The following EFCAB6 variants were observed in gnomAD, a reference collection of about 807,000 sequenced individuals.
EFCAB6 encodes EF-hand calcium binding domain 6.
EFCAB6 carries 156 observed loss-of-function variants against 169.8 expected under a neutral mutation model. The observed-to-expected ratio is 0.92, with a 90% CI of 0.81 to 1.05. The LOEUF is 1.05. EFCAB6 is among the 50% of genes least tolerant of loss of function. The pLI, the probability that EFCAB6 is intolerant of heterozygous loss-of-function variation, is 0.00. For missense variants in EFCAB6, 1,800 were observed against 1,829.1 expected (o/e 0.98, Z 0.29); for synonymous variants, 698 against 676.4 (o/e 1.03, Z -0.50).
intron 23 of EFCAB6, among the ~76,000 whole-genome samples, chr22:43,590,744 A>G (rs1287537436): frequency 7.3e-6 from 1 of 137,830 alleles, no homozygotes; most frequent in Non-Finnish European, 1.5e-5. Flanking sequence ...TTGAAGGCCA[A>G]AAAAAAAAAA....
chr22:43,672,609 T>A (rs2057541047), intron 13 of EFCAB6, among the ~76,000 whole-genome samples: 3 of 152,110 alleles, frequency 2.0e-5, no homozygotes, highest in Non-Finnish European at 4.4e-5. Flanking sequence ...TACCACAGGT[T>A]CTCACTCATA....
chr22:43,563,388 CA>C (rs2049197145), intron 26 of EFCAB6, among the ~76,000 whole-genome samples: 1 of 151,994 alleles, frequency 6.6e-6, no homozygotes, highest in Admixed American at 6.6e-5. Context: ...GGCAACATGA[CA>C]AAACCCCATC....
intron 27 of EFCAB6, among the ~76,000 whole-genome samples, chr22:43,548,209 T>C (rs1341047195): frequency 6.6e-6 from 1 of 151,968 alleles, no homozygotes; most frequent in Non-Finnish European, 1.5e-5. Context: ...GGGTCAAACA[T>C]CCATATAAAT....
chr22:43,560,471 G>T (rs1368985062), intron 26 of EFCAB6, among the ~76,000 whole-genome samples: 2 of 152,220 alleles, frequency 1.3e-5, no homozygotes, highest in Admixed American at 1.3e-4. Context: ...AGACCTGTTT[G>T]TTATAGCATT....
intron 19 of EFCAB6, among the ~76,000 whole-genome samples, chr22:43,629,179 T>G (rs889536856): frequency 1.3e-5 from 2 of 152,172 alleles, no homozygotes; most frequent in African/African-American, 4.8e-5. Flanking sequence ...ACAAGCTAGA[T>G]GCTATGAGAT....
At chr22:43,776,294 G>A (rs1284893969) in intron 3 of EFCAB6, among the ~76,000 whole-genome samples, 2 of 152,200 alleles carry the variant, frequency 1.3e-5, no homozygotes, top group African/African-American at 4.8e-5. Context: ...TGATTCATTC[G>A]AAAAATGTCG....
chr22:43,608,437 C>G (rs774278332), intron 22 of EFCAB6, 45 bp downstream of exon 22: 2 of 1,572,892 alleles, frequency 1.3e-6, no homozygotes, highest in East Asian at 2.2e-5. Context: ...GCAAGCACCC[C>G]TAGTCCATAA....
intron 10 of EFCAB6, among the ~76,000 whole-genome samples, chr22:43,695,093 T>C (rs562946821): frequency 6.6e-6 from 1 of 152,144 alleles, no homozygotes; most frequent in South Asian, 2.1e-4. Flanking sequence ...GTGACATGAC[T>C]GTACTTACAA....
At chr22:43,657,280 G>C (rs367662431) in intron 17 of EFCAB6, among the ~76,000 whole-genome samples, 18 of 152,256 alleles carry the variant, frequency 1.2e-4, no homozygotes, top group East Asian at 5.8e-4. Flanking sequence ...GGGTTACAGA[G>C]AGAGACCCTG....
chr22:43,666,857 T>C (rs773113840), intron 17 of EFCAB6, among the ~76,000 whole-genome samples: 7 of 152,066 alleles, frequency 4.6e-5, no homozygotes, highest in South Asian at 2.1e-4. Flanking sequence ...ACCGCATCAA[T>C]AAATGCTTCT....
At chr22:43,627,633 C>T (rs1030081170) in intron 19 of EFCAB6, among the ~76,000 whole-genome samples, 39 of 152,256 alleles carry the variant, frequency 2.6e-4, no homozygotes, top group African/African-American at 7.5e-4. Context: ...ACCTGCTTCC[C>T]GGGTCTCAGG....
intron 4 of EFCAB6, among the ~76,000 whole-genome samples, chr22:43,771,840 A>C (rs151204900): frequency 5.6e-4 from 86 of 152,272 alleles, no homozygotes; most frequent in South Asian, 1.2e-3. Context: ...TACTTTTCTG[A>C]ATTGGCCCTT....
intron 24 of EFCAB6, among the ~76,000 whole-genome samples, chr22:43,585,822 G>T (rs1022468254): frequency 3.9e-5 from 6 of 152,130 alleles, no homozygotes; most frequent in African/African-American, 1.4e-4. Context: ...TAAACATCAG[G>T]CTTCTTGCCA....
intron 6 of EFCAB6, among the ~76,000 whole-genome samples, chr22:43,751,590 A>G (rs4823094): frequency 0.88 from 133,656 of 152,176 alleles, 58,748 homozygotes; most frequent in East Asian, 0.99. Flanking sequence ...GCGGTGGAGG[A>G]AGTGTGAAAG....
At chr22:43,643,478 C>A (rs940800378) in intron 17 of EFCAB6, among the ~76,000 whole-genome samples, 4 of 152,240 alleles carry the variant, frequency 2.6e-5, no homozygotes, top group African/African-American at 9.6e-5. Context: ...CAATAAGGAG[C>A]CACTCAGGTG....
chr22:43,680,436 G>A (rs554320017), intron 12 of EFCAB6, among the ~76,000 whole-genome samples: 27 of 150,060 alleles, frequency 1.8e-4, no homozygotes, highest in Admixed American at 1.8e-3. Context: ...TTCCACCTTT[G>A]TATTTCCATA....
At chr22:43,681,610 T>C (rs1230009607) in intron 12 of EFCAB6, among the ~76,000 whole-genome samples, 1 of 152,182 alleles carries the variant, frequency 6.6e-6, no homozygotes, top group Non-Finnish European at 1.5e-5. Context: ...TATTTGATTT[T>C]TTAAAATGTT....
intron 13 of EFCAB6, among the ~76,000 whole-genome samples, chr22:43,676,635 T>G (rs1415936127): frequency 1.3e-5 from 2 of 152,182 alleles, no homozygotes; most frequent in East Asian, 3.8e-4. Context: ...ACAAAACATT[T>G]GAATAAGTTA....
chr22:43,626,367 C>T (rs1328687236), intron 20 of EFCAB6, 80 bp downstream of exon 20: 39 of 1,364,860 alleles, frequency 2.9e-5, no homozygotes, highest in Middle Eastern at 1.8e-4. Flanking sequence ...TATCCCTTTG[C>T]GGACGCCATG....
Sources: gnomAD v4.1 joint callset for allele counts (sites outside exome capture counted in the v4.1 genomes callset) on GRCh38, gnomAD v4.1.1 for gene constraint, MANE v1.5 for transcripts, NCBI Gene and HGNC (gene_info 2026-07-23, HGNC 2026-07-21) for gene names.